KALRN: variants seen among roughly 807,000 people sequenced by gnomAD.
The protein encoded by KALRN is kalirin RhoGEF kinase.
A neutral mutation model predicts 353.7 loss-of-function variants in KALRN; 70 were observed. That is an observed-to-expected ratio of 0.20 (90% CI 0.16 to 0.24). KALRN has a LOEUF of 0.24. Among genes scored for constraint, KALRN ranks in the 10% least tolerant of loss-of-function variants. The pLI, the probability that KALRN is intolerant of heterozygous loss-of-function variation, is 1.00. For missense variants in KALRN, 2,791 were observed against 3,756.7 expected (o/e 0.74, Z 6.72); for synonymous variants, 1,391 against 1,434.8 (o/e 0.97, Z 0.69).
At chr3:124,479,451 C>T (rs575638269) in intron 27 of KALRN, among the ~76,000 whole-genome samples, 13 of 152,266 alleles carry the variant, frequency 8.5e-5, no homozygotes, top group African/African-American at 3.1e-4. Context: ...GAAGAGTTTC[C>T]CTAACTTCTA....
intron 1 of KALRN, chr3:124,100,386 C>A (rs2061764163): frequency 6.6e-6 from 1 of 152,096 alleles, no homozygotes; most frequent in South Asian, 2.1e-4. Flanking sequence ...TTAGTTTCAA[C>A]AAGGGTGCCA....
chr3:124,578,558 C>G (rs1176284812), intron 34 of KALRN, among the ~76,000 whole-genome samples: 1 of 152,190 alleles, frequency 6.6e-6, no homozygotes, highest in Non-Finnish European at 1.5e-5. Context: ...GCCCTAAAGT[C>G]CGTGGTTCTC....
At chr3:124,715,015 CAAAA>C (rs57167927) in intron 58 of KALRN, among the ~76,000 whole-genome samples, 64 of 126,716 alleles carry the variant, frequency 5.1e-4, no homozygotes, top group East Asian at 1.3e-3. Context: ...GACTCCATCT[CAAAA>C]AAAAAAAAAA....
At chr3:124,379,281 T>C (rs900456360) in intron 10 of KALRN, among the ~76,000 whole-genome samples, 1 of 152,180 alleles carries the variant, frequency 6.6e-6, no homozygotes, top group Non-Finnish European at 1.5e-5. Context: ...AATACAATTA[T>C]AATAACCATT....
Position 124,474,358 on chromosome 3 carries a change from G to A in KALRN, c.4032-305G>A, listed in dbSNP as rs377088998. On this transcript the variant is annotated intron_variant, in intron 25 of 59. Transcript: ENST00000682506. Reference sequence around the variant, plus strand: ...GTGCTTAGATTACTTGTGTAAAAAAGTAGATTCTTACTTGCTGATAAAAAG... The same window carrying A: ...GTGCTTAGATTACTTGTGTAAAAAAATAGATTCTTACTTGCTGATAAAAAG... 2.0e-5 allele frequency among the ~76,000 whole-genome samples: 3 copies of A among 152,196 alleles called. No homozygotes were observed. The East Asian group carries it at 5.8e-4, about 29-fold the overall frequency.
chr3:124,159,752 G>C (rs1038519924), intron 1 of KALRN, among the ~76,000 whole-genome samples: 2 of 151,980 alleles, frequency 1.3e-5, no homozygotes, highest in Non-Finnish European at 2.9e-5. Flanking sequence ...CTATTTCTTG[G>C]GTAAATGGGG....
At chr3:124,570,761 T>C (rs1561312137) in intron 34 of KALRN, among the ~76,000 whole-genome samples, 1 of 152,232 alleles carries the variant, frequency 6.6e-6, no homozygotes. Flanking sequence ...ACTCTTTTTA[T>C]AACTGGATAA....
chr3:124,355,582 G>A (rs1373035217), intron 10 of KALRN, among the ~76,000 whole-genome samples: 1 of 152,064 alleles, frequency 6.6e-6, no homozygotes, highest in Non-Finnish European at 1.5e-5. Context: ...ACCATGGGTT[G>A]CATTTTTATG....
intron 3 of KALRN, among the ~76,000 whole-genome samples, chr3:124,251,397 G>T (rs2071149083): frequency 6.7e-6 from 1 of 148,294 alleles, no homozygotes; most frequent in African/African-American, 2.5e-5. Context: ...TTGAGACAGG[G>T]TCTGGCTCTG....
intron 33 of KALRN, among the ~76,000 whole-genome samples, chr3:124,516,652 A>C (rs1335416398): frequency 6.6e-6 from 1 of 151,658 alleles, no homozygotes; most frequent in Non-Finnish European, 1.5e-5. Context: ...AAAAAAAAAA[A>C]AAACCTGGTA....
intron 33 of KALRN, among the ~76,000 whole-genome samples, chr3:124,560,037 G>T (rs1016232444): frequency 2.0e-5 from 3 of 152,190 alleles, no homozygotes; most frequent in Non-Finnish European, 2.9e-5. Flanking sequence ...CCATCTAGTG[G>T]CGTATCTAGG....
chr3:124,508,629 C>G (rs1216104477), intron 33 of KALRN, among the ~76,000 whole-genome samples: 1 of 152,062 alleles, frequency 6.6e-6, no homozygotes. Context: ...TATACATACC[C>G]CTGTGCATGT....
intron 21 of KALRN, among the ~76,000 whole-genome samples, chr3:124,454,671 GT>G (rs56042332): frequency 1.3e-5 from 2 of 151,184 alleles, no homozygotes; most frequent in African/African-American, 4.9e-5. Context: ...AACTGAAAAT[GT>G]TTTTTTTTCA....
chr3:124,286,107 C>CTTTCTTTCTT (rs1560463030), intron 5 of KALRN, among the ~76,000 whole-genome samples: 3 of 145,886 alleles, frequency 2.1e-5, no homozygotes, highest in Non-Finnish European at 3.0e-5. Flanking sequence ...TTCTTTCTTT[C>CTTTCTTTCTT]TTTCTTTCTT....
intron 1 of KALRN, among the ~76,000 whole-genome samples, chr3:124,053,970 A>C (rs896346445): frequency 6.6e-6 from 1 of 152,202 alleles, no homozygotes; most frequent in Non-Finnish European, 1.5e-5. Flanking sequence ...ATGGGGGGAA[A>C]TCCCCAGGCC....
At chr3:124,675,567 A>G (rs2087094775) in intron 49 of KALRN, 1 of 132,776 alleles carries the variant, frequency 7.5e-6, no homozygotes, top group South Asian at 2.3e-4. Context: ...ATTTGGGTGA[A>G]TGCATTGGCA....
At chr3:124,441,422 C>T (rs909580703) in intron 18 of KALRN, among the ~76,000 whole-genome samples, 6 of 152,148 alleles carry the variant, frequency 3.9e-5, no homozygotes, top group Admixed American at 3.3e-4. Context: ...AAAAGGAAAG[C>T]TCAGAAGGGT....
chr3:124,591,141 A>G (rs556089670), intron 34 of KALRN, among the ~76,000 whole-genome samples: 64 of 152,200 alleles, frequency 4.2e-4, no homozygotes, highest in Admixed American at 7.2e-4. Flanking sequence ...GTCTGCTTTC[A>G]AGGGACTCTT....
intron 33 of KALRN, among the ~76,000 whole-genome samples, chr3:124,507,190 T>G (rs1039879765): frequency 6.6e-5 from 10 of 152,102 alleles, no homozygotes; most frequent in African/African-American, 2.2e-4. Context: ...CTGTAACTTA[T>G]TTCACCTCCC....
Sources: allele counts gnomAD v4.1 joint callset (sites outside exome capture counted in the v4.1 genomes callset), GRCh38; gene constraint gnomAD v4.1.1; transcripts MANE v1.5; gene names NCBI Gene and HGNC (gene_info 2026-07-23, HGNC 2026-07-21).